The following DIP2C variants were observed in gnomAD, a reference collection of about 807,000 sequenced individuals.
DIP2C encodes the protein disco-interacting protein 2 homolog C.
In DIP2C, 33 loss-of-function variants were observed where a neutral mutation model predicts 192.4. The ratio of observed to expected loss-of-function variants is 0.17; its 90% confidence interval spans 0.13 to 0.23. The LOEUF is 0.23. Ranked by LOEUF, DIP2C falls within the 10% of genes least tolerant of loss-of-function variation. The probability of loss-of-function intolerance (pLI) is 1.00; values close to 1 mark genes in which losing one functional copy is unlikely to be tolerated. For synonymous variants in DIP2C, 979 were observed against 864.1 expected, an observed-to-expected ratio of 1.13 and a Z score of -2.33; for missense variants, 1,537 against 2,110.1, an observed-to-expected ratio of 0.73 and a Z score of 5.32.
chr10:592,777 C>T lies in DIP2C; in HGVS notation c.85+96717G>A, dbSNP rs910387100. 7.7e-4 allele frequency among the ~76,000 whole-genome samples: 117 copies of T among 152,168 alleles called. 2 individuals carry two copies. The highest frequency in any genetic ancestry group is 2.5e-3 in the African/African-American group (104 of 41,466). ...CCTTTGACAAGCTTCAAAATAAATA[C>T]CATGAGAATACAGCTCCAGTTAAGT... On this transcript the variant is annotated intron_variant, in intron 1 of 36. Transcript: ENST00000280886.
At chr10:684,283 T>G (rs1831235602) in intron 1 of DIP2C, among the ~76,000 whole-genome samples, 1 of 152,252 alleles carries the variant, frequency 6.6e-6, no homozygotes, top group Non-Finnish European at 1.5e-5. Context: ...CAATGCATCA[T>G]GCAGGTAGCC....
chr10:439,933 A>C (rs1430977353), intron 4 of DIP2C, among the ~76,000 whole-genome samples: 1 of 152,182 alleles, frequency 6.6e-6, no homozygotes, highest in Non-Finnish European at 1.5e-5. Flanking sequence ...TGTAGCTTCA[A>C]AGTGGGATGT....
chr10:584,786 T>C (rs12414565), intron 1 of DIP2C, among the ~76,000 whole-genome samples: 413 of 26,974 alleles, frequency 0.015, no homozygotes, highest in Admixed American at 0.026. Flanking sequence ...CACTCACGCG[T>C]ATCACCTCTC....
chr10:341,090 G>T, intron 29 of DIP2C, 109 bp downstream of exon 29: 1 of 1,485,032 alleles, frequency 6.7e-7, no homozygotes, highest in Non-Finnish European at 9.3e-7. Context: ...GCCTCCTCTG[G>T]CAGGAGTGGG....
intron 17 of DIP2C, among the ~76,000 whole-genome samples, chr10:373,321 C>G (rs1226741965): frequency 6.6e-6 from 1 of 152,196 alleles, no homozygotes; most frequent in South Asian, 2.1e-4. Flanking sequence ...CTGCTCCAAT[C>G]CTATGCCCCA....
chr10:516,995 C>G (rs940022609), intron 1 of DIP2C, among the ~76,000 whole-genome samples: 3 of 151,552 alleles, frequency 2.0e-5, no homozygotes, highest in Non-Finnish European at 2.9e-5. Context: ...CAGGAAGTAC[C>G]AACTCAGGCC....
At chr10:670,719 A>C (rs1447252582) in intron 1 of DIP2C, among the ~76,000 whole-genome samples, 1 of 152,226 alleles carries the variant, frequency 6.6e-6, no homozygotes, top group Non-Finnish European at 1.5e-5. Context: ...CAAGGGTCTA[A>C]AAATATAAGA....
intron 17 of DIP2C, among the ~76,000 whole-genome samples, chr10:370,692 CTAAG>C (rs1382056766): frequency 1.3e-5 from 2 of 152,252 alleles, no homozygotes; most frequent in African/African-American, 4.8e-5. Flanking sequence ...CAACGGTTAT[CTAAG>C]TGAGTCACCA....
rs546444248 is a variant in DIP2C, at chr10:301,288, G to A, written c.3986+8743C>T. ...TTTGTTTTTAGACAGCATTTATCAC[G>A]TCATGTTTACATGCAGAGAAACGAC... On this transcript the variant is annotated intron_variant, in intron 32 of 36. Coordinates refer to ENST00000280886, the MANE Select transcript of DIP2C (RefSeq NM_014974.3). Among the ~76,000 whole-genome samples, 18 of 152,306 alleles carry A rather than the reference G, an allele frequency of 1.2e-4. No individual in the cohort carries two copies. In the South Asian group the frequency reaches 3.5e-3, roughly 30 times the overall value.
intron 5 of DIP2C, 34 bp from the exon 6 acceptor site, chr10:419,233 G>C: frequency 6.2e-7 from 1 of 1,613,584 alleles, no homozygotes; most frequent in Middle Eastern, 1.7e-4. Flanking sequence ...TTTTCTGGTG[G>C]TTGTGATGTT....
chr10:620,479 A>AG (rs1164659898), intron 1 of DIP2C, among the ~76,000 whole-genome samples: 1 of 152,176 alleles, frequency 6.6e-6, no homozygotes, highest in African/African-American at 2.4e-5. Context: ...GCAGATACGG[A>AG]GGGAGAAGCC....
At position 311,394 on chromosome 10, in the gene DIP2C, CCGGCAGCA is replaced by C. The variant is rs1248538730; in HGVS notation, c.3925-1310_3925-1303del. The stretch of plus-strand genomic sequence containing the variant: ...GAGGCCTGAACGTGACATTGCCCGG[CCGGCAGCA>C]CCCATGATCACAGGGCCTGCAGACC... On this transcript the variant is annotated intron_variant, in intron 31 of 36. Transcript: ENST00000280886. 7 of 696,586 alleles carry C rather than the reference CCGGCAGCA, an allele frequency of 1.0e-5. No homozygotes were observed. In the East Asian group the frequency reaches 1.7e-4, roughly 17 times the overall value. The allele number at this position is 696,586 out of a possible 1,614,324, so 43.2% of individuals were successfully genotyped here.
At chr10:672,083 A>G (rs1054739352) in intron 1 of DIP2C, among the ~76,000 whole-genome samples, 3 of 149,996 alleles carry the variant, frequency 2.0e-5, no homozygotes, top group Admixed American at 6.6e-5. Flanking sequence ...CCACAGACGC[A>G]CGGACGGAGT....
intron 1 of DIP2C, among the ~76,000 whole-genome samples, chr10:569,355 AAC>A (rs1418556646): frequency 7.9e-5 from 12 of 152,350 alleles, no homozygotes; most frequent in African/African-American, 2.6e-4. Context: ...TCCTGTGTTT[AAC>A]ACAGATTTGA....
chr10:328,337 G>A (rs540022705), intron 30 of DIP2C, among the ~76,000 whole-genome samples: 13 of 152,264 alleles, frequency 8.5e-5, no homozygotes, highest in Admixed American at 2.0e-4. Context: ...CTCCAGGTTC[G>A]TTCAGCCTAA....
intron 1 of DIP2C, among the ~76,000 whole-genome samples, chr10:638,405 C>T (rs1685512560): frequency 6.6e-6 from 1 of 152,188 alleles, no homozygotes; most frequent in African/African-American, 2.4e-5. Flanking sequence ...TTCGTGCTGA[C>T]AGCAGGGTTT....
Position 558,487 on chromosome 10 carries a change from G to A in DIP2C, c.86-71957C>T, listed in dbSNP as rs140233407. 5.8e-4 allele frequency among the ~76,000 whole-genome samples: 88 copies of A among 152,332 alleles called. 2 individuals carry two copies. In the East Asian group the frequency reaches 0.015, roughly 27 times the overall value. On this transcript the variant is annotated intron_variant, in intron 1 of 36. Transcript: ENST00000280886. Reference sequence around the variant, plus strand: ...TGGGGGAACAAAGGCAGGCACCCTCGATGTAGATACGGGGGGTGGAGGCGG... The same window carrying A: ...TGGGGGAACAAAGGCAGGCACCCTCAATGTAGATACGGGGGGTGGAGGCGG...
intron 1 of DIP2C, among the ~76,000 whole-genome samples, chr10:606,089 C>T (rs911532052): frequency 1.3e-5 from 2 of 152,216 alleles, no homozygotes; most frequent in African/African-American, 4.8e-5. Flanking sequence ...GCGTGGAGAC[C>T]GGGAAGCACC....
intron 1 of DIP2C, among the ~76,000 whole-genome samples, chr10:503,482 A>G (rs1845392182): frequency 6.6e-6 from 1 of 152,228 alleles, no homozygotes; most frequent in Non-Finnish European, 1.5e-5. Flanking sequence ...CAAGGGAGAA[A>G]CAAATGGAAC....
Sources: gnomAD v4.1 joint callset for allele counts (sites outside exome capture counted in the v4.1 genomes callset) on GRCh38, gnomAD v4.1.1 for gene constraint, MANE v1.5 for transcripts, NCBI Gene and HGNC (gene_info 2026-07-23, HGNC 2026-07-21) for gene names.